The following RAB9B variants were observed in gnomAD, a reference collection of about 807,000 sequenced individuals.
RAB9B encodes the protein RAB9B, member RAS oncogene family.
RAB9B carries 1 observed loss-of-function variant against 8.9 expected under a neutral mutation model. The ratio of observed to expected loss-of-function variants is 0.11; its 90% CI spans 0.04 to 0.53. The LOEUF is 0.53. Among genes scored for constraint, RAB9B ranks in the 20% least tolerant of loss-of-function variants. RAB9B has a pLI of 0.93. For missense variants in RAB9B, 82 were observed against 152.9 expected, an observed-to-expected ratio of 0.54 and a Z score of 2.45; for synonymous variants, 63 against 57.0, an observed-to-expected ratio of 1.10 and a Z score of -0.47.
downstream of RAB9B, among the ~76,000 whole-genome samples, chrX:103,818,445 A>G (rs1470921676): frequency 9.0e-6 from 1 of 111,650 alleles, no homozygotes; most frequent in Non-Finnish European, 1.9e-5. Context: ...TTTGACCTAG[A>G]AATTTTACTA....
intron 1 of RAB9B, among the ~76,000 whole-genome samples, chrX:103,829,960 G>T (rs2074697175): frequency 9.0e-6 from 1 of 111,380 alleles, no homozygotes; most frequent in African/African-American, 3.3e-5. Context: ...AGGTACAATA[G>T]ATCCATAGTT....
chrX:103,788,938 G>A, the RAB9B span: 1 of 283,166 alleles, frequency 3.5e-6, no homozygotes, highest in South Asian at 5.3e-5. Flanking sequence ...CATTTGAAAG[G>A]GAAAGCACTG....
At chrX:103,795,601 T>C in the RAB9B span, among the ~76,000 whole-genome samples, 1 of 112,092 alleles carries the variant, frequency 8.9e-6, no homozygotes, top group Non-Finnish European at 1.9e-5. Context: ...ATGTGGCTCT[T>C]GCAATCAAAG....
the RAB9B span, among the ~76,000 whole-genome samples, chrX:103,810,338 C>G: frequency 8.9e-6 from 1 of 111,778 alleles, no homozygotes; most frequent in Non-Finnish European, 1.9e-5. Context: ...TTGGCTTCTA[C>G]TGCCCTAACA....
the RAB9B span, among the ~76,000 whole-genome samples, chrX:103,808,935 G>A: frequency 4.4e-5 from 5 of 113,219 alleles, no homozygotes; most frequent in African/African-American, 1.6e-4. Context: ...ATGAAGAAGG[G>A]GCCCAGGCCC....
At chrX:103,802,208 GAGAGAGAGAGAC>G in the RAB9B span, among the ~76,000 whole-genome samples, 1 of 98,487 alleles carries the variant, frequency 1.0e-5, no homozygotes, top group Non-Finnish European at 2.0e-5. Context: ...GAGAGAGAAA[GAGAGAGAGAGAC>G]AGAGAGAGAG....
the RAB9B span, among the ~76,000 whole-genome samples, chrX:103,804,028 T>C: frequency 8.9e-6 from 1 of 112,713 alleles, no homozygotes; most frequent in African/African-American, 3.2e-5. Flanking sequence ...ATTTTTTCTT[T>C]TGTCGCTCTT....
At chrX:103,805,922 T>A in the RAB9B span, among the ~76,000 whole-genome samples, 14 of 111,576 alleles carry the variant, frequency 1.3e-4, no homozygotes, top group East Asian at 3.9e-3. Flanking sequence ...TCTATTTCAT[T>A]TGTTTACCTC....
chrX:103,816,861 A>C, the RAB9B span, among the ~76,000 whole-genome samples: 1 of 112,690 alleles, frequency 8.9e-6, no homozygotes, highest in Non-Finnish European at 1.9e-5. Context: ...AGAGAAATGC[A>C]AATCAAAACC....
intron 1 of RAB9B, among the ~76,000 whole-genome samples, chrX:103,829,489 T>C (rs1023912313): frequency 1.3e-4 from 15 of 112,364 alleles, no homozygotes; most frequent in Non-Finnish European, 2.4e-4. Context: ...CCTTGAAGTA[T>C]CATTTTCTAG....
chrX:103,797,087 C>CT, the RAB9B span, among the ~76,000 whole-genome samples: 1,167 of 84,634 alleles, frequency 0.014, 28 homozygotes, highest in East Asian at 0.09. Flanking sequence ...GGAAAGAGAC[C>CT]TTTTTTTTTT....
At chrX:103,804,548 A>G in the RAB9B span, among the ~76,000 whole-genome samples, 1 of 112,115 alleles carries the variant, frequency 8.9e-6, no homozygotes, top group African/African-American at 3.2e-5. Context: ...CAAACAAAAC[A>G]AGACAAAACA....
the RAB9B span, among the ~76,000 whole-genome samples, chrX:103,805,204 T>G: frequency 8.9e-6 from 1 of 111,988 alleles, no homozygotes; most frequent in Non-Finnish European, 1.9e-5. Context: ...GAGTGTTTTC[T>G]TTTATCAAGA....
chrX:103,789,426 A>G, the RAB9B span: 1 of 1,084,498 alleles, frequency 9.2e-7, no homozygotes, highest in Non-Finnish European at 1.3e-6. Flanking sequence ...GATCTTGGCA[A>G]GTAAATAGGC....
the RAB9B span, among the ~76,000 whole-genome samples, chrX:103,811,055 G>A: frequency 0.019 from 2,103 of 111,648 alleles, 24 homozygotes; most frequent in Non-Finnish European, 0.03. Flanking sequence ...AGGAGTGGAA[G>A]TCATAAGAAG....
the RAB9B span, among the ~76,000 whole-genome samples, chrX:103,801,525 T>C: frequency 1.8e-5 from 2 of 112,024 alleles, no homozygotes; most frequent in Non-Finnish European, 3.8e-5. Flanking sequence ...AACCTGGGAA[T>C]CTAACAATGG....
chrX:103,792,323 A>C, the RAB9B span: 1 of 112,233 alleles, frequency 8.9e-6, no homozygotes, highest in Non-Finnish European at 1.9e-5. Context: ...GAAGGAGGAG[A>C]GGGAAAATGT....
chrX:103,814,634 T>A, the RAB9B span, among the ~76,000 whole-genome samples: 2 of 111,001 alleles, frequency 1.8e-5, no homozygotes, highest in African/African-American at 6.6e-5. Flanking sequence ...CTTAAAAAAA[T>A]CAATGAATCC....
chrX:103,825,644 T>C lies in RAB9B; in HGVS notation c.141A>G (p.Arg47=). 3 of 1,210,721 alleles carry C rather than the reference T, an allele frequency of 2.5e-6. No homozygotes were observed. Among genetic ancestry groups the C allele is most frequent in the Non-Finnish European group, 3.4e-6 (3 of 894,887 alleles). Residue 47 remains arginine (R), a synonymous_variant, in exon 3 of 3, where the codon CGA becomes CGG. Coordinates refer to ENST00000243298, the MANE Select transcript of RAB9B (RefSeq NM_016370.4). ...CAAAGCGTCCATCTACCTCCAGATC[T>C]CGATTTAAGAACTCTACCCCTATGG... The part of the protein sequence containing the change: ...FHTIGVEFLN[R]DLEVDGRFVT...
Sources: allele counts gnomAD v4.1 joint callset (sites outside exome capture counted in the v4.1 genomes callset), GRCh38; gene constraint gnomAD v4.1.1; transcripts MANE v1.5; gene names NCBI Gene and HGNC (gene_info 2026-07-23, HGNC 2026-07-21).